Variants in KIF26B observed in about 807,000 individuals in gnomAD.
The protein encoded by KIF26B is kinesin-like protein KIF26B.
Under a neutral mutation model 151.2 loss-of-function variants are expected in KIF26B, and 63 were observed. The ratio of observed to expected loss-of-function variants is 0.42; its 90% CI spans 0.34 to 0.51. KIF26B has a LOEUF of 0.51. Ranked by LOEUF, KIF26B falls within the 20% of genes least tolerant of loss-of-function variation. KIF26B has a pLI of 0.07. For synonymous variants in KIF26B, 1,357 were observed against 1,262.1 expected (o/e 1.08, Z -1.59); for missense variants, 2,813 against 2,913.6 (o/e 0.97, Z 0.79).
intron 3 of KIF26B, among the ~76,000 whole-genome samples, chr1:245,406,899 T>A (rs1023032572): frequency 2.6e-5 from 4 of 152,296 alleles, no homozygotes; most frequent in Middle Eastern, 3.4e-3. Flanking sequence ...GTGATTCTTC[T>A]GCCTCAGCCT....
rs1040080802 is a variant in KIF26B at position 245,367,041 on chromosome 1, T to G, written c.673T>G (p.Ser225Ala). The G allele has an allele frequency of 3.7e-6, 6 of 1,610,418 alleles. No individual in the cohort carries two copies. The Admixed American group carries it at 8.4e-5, about 23-fold the overall frequency. ...DASPCSPPPLSNIPTLVGSRH... is the reference protein window; with the variant it reads ...DASPCSPPPLANIPTLVGSRH... ...CTCGCCCTGCTCCCCGCCACCGCTC[T>G]CCAACATCCCCACCCTGGTGGGGTC... The change falls in exon 3 of 15, where the codon TCC (serine) becomes GCC (alanine). Residue 225 changes from serine (S) to alanine (A), a missense_variant. Physicochemically the swap from Ser to Ala is moderately conservative, Grantham distance 99. Coordinates refer to ENST00000407071, the MANE Select transcript of KIF26B (RefSeq NM_018012.4). This position sits in a 1 kb window ranked among gnomAD's most constrained non-coding sequence, Gnocchi z 4.2.
At chr1:245,542,878 G>C (rs1416962540) in intron 5 of KIF26B, among the ~76,000 whole-genome samples, 1 of 152,188 alleles carries the variant, frequency 6.6e-6, no homozygotes, top group East Asian at 1.9e-4. Flanking sequence ...GTGAAATCAA[G>C]CTGTCAGTGC....
chr1:245,423,480 T>G (rs910255186), intron 4 of KIF26B, among the ~76,000 whole-genome samples: 4 of 115,412 alleles, frequency 3.5e-5, no homozygotes, highest in Non-Finnish European at 7.3e-5. Flanking sequence ...ATTATAGGGT[T>G]TTTTTTTTTT....
intron 4 of KIF26B, among the ~76,000 whole-genome samples, chr1:245,496,987 C>T (rs149963907): frequency 0.025 from 3,765 of 151,986 alleles, 159 homozygotes; most frequent in African/African-American, 0.085. Context: ...AACCCCATCT[C>T]TACTAAAAAT....
chr1:245,290,381 A>T (rs1392323239), intron 2 of KIF26B, among the ~76,000 whole-genome samples: 1 of 152,238 alleles, frequency 6.6e-6, no homozygotes, highest in Non-Finnish European at 1.5e-5. Flanking sequence ...AGAGAAGTAA[A>T]GAAACAAAAG....
intron 4 of KIF26B, among the ~76,000 whole-genome samples, chr1:245,465,837 T>C (rs1273384978): frequency 6.6e-6 from 1 of 151,894 alleles, no homozygotes; most frequent in African/African-American, 2.4e-5. Flanking sequence ...CTGAGAGGCA[T>C]CATGGGACAG....
chr1:245,314,367 G>A (rs1343132232), intron 2 of KIF26B, among the ~76,000 whole-genome samples: 4 of 152,138 alleles, frequency 2.6e-5, no homozygotes, highest in East Asian at 1.9e-4. Flanking sequence ...CAGGAGAATC[G>A]CTTGAACCCC....
intron 4 of KIF26B, among the ~76,000 whole-genome samples, chr1:245,494,847 C>T (rs1163662757): frequency 6.6e-6 from 1 of 151,808 alleles, no homozygotes; most frequent in Non-Finnish European, 1.5e-5. Context: ...CAAGACCAGC[C>T]TAGGCAACAC....
At chr1:245,652,478 T>C (rs1287884773) in intron 10 of KIF26B, among the ~76,000 whole-genome samples, 5 of 152,190 alleles carry the variant, frequency 3.3e-5, no homozygotes, top group Non-Finnish European at 7.3e-5. Context: ...CTTTTATTTT[T>C]CCCCCTTAGC....
chr1:245,578,329 G>A (rs2043145183), intron 5 of KIF26B, among the ~76,000 whole-genome samples: 2 of 152,240 alleles, frequency 1.3e-5, no homozygotes, highest in African/African-American at 4.8e-5. Flanking sequence ...CTCGTTCTCA[G>A]CCAGGTAGAC....
chr1:245,621,423 C>T (rs897863535), intron 9 of KIF26B, among the ~76,000 whole-genome samples: 1 of 152,156 alleles, frequency 6.6e-6, no homozygotes, highest in Non-Finnish European at 1.5e-5. Flanking sequence ...TTCCTGCTAC[C>T]TTCCAGGTGC....
intron 4 of KIF26B, among the ~76,000 whole-genome samples, chr1:245,424,545 C>T (rs1479593169): frequency 6.6e-6 from 1 of 152,146 alleles, no homozygotes; most frequent in Non-Finnish European, 1.5e-5. Flanking sequence ...GGGTGGAGGT[C>T]TGGGTGAACC....
At chr1:245,612,103 TGTGAGAGAGAGA>T (rs2043533621) in intron 9 of KIF26B, 127 bp downstream of exon 9, 7 of 397,636 alleles carry the variant, frequency 1.8e-5, no homozygotes, top group African/African-American at 1.1e-4. Context: ...TGTGTGTGTG[TGTGAGAGAGAGA>T]GAGAGAGAGA....
rs141616354 is a variant in KIF26B at position 245,569,543 on chromosome 1, G to A, written c.1350+28593G>A. 4.6e-3 allele frequency among the ~76,000 whole-genome samples: 701 copies of A among 152,168 alleles called. 4 individuals are homozygous for A. Among genetic ancestry groups the A allele is most frequent in the Middle Eastern group, 0.014 (4 of 294 alleles). ...AATTGCTTGAACCTGGGAGGCAGAG[G>A]TTGCAGTGAGCCAAGATCCTGTCAC... On this transcript the variant is annotated intron_variant, in intron 5 of 14. Coordinates refer to ENST00000407071, the MANE Select transcript of KIF26B (RefSeq NM_018012.4).
intron 4 of KIF26B, among the ~76,000 whole-genome samples, chr1:245,448,525 T>G: frequency 6.6e-6 from 1 of 152,212 alleles, no homozygotes; most frequent in East Asian, 1.9e-4. Context: ...TCTGTTGTTT[T>G]TAACTTACCC....
chr1:245,578,893 A>G (rs1463663732), intron 5 of KIF26B, among the ~76,000 whole-genome samples: 1 of 152,258 alleles, frequency 6.6e-6, no homozygotes, highest in Non-Finnish European at 1.5e-5. Context: ...AAATAACAAA[A>G]TAGAAACTGA....
At chr1:245,555,349 G>A (rs1032061283) in intron 5 of KIF26B, among the ~76,000 whole-genome samples, 15 of 152,154 alleles carry the variant, frequency 9.9e-5, no homozygotes, top group Non-Finnish European at 1.3e-4. Context: ...AAGATCTCTC[G>A]AGTGCTCCGG....
intron 5 of KIF26B, among the ~76,000 whole-genome samples, chr1:245,576,336 A>T (rs1295138175): frequency 2.0e-5 from 3 of 152,218 alleles, no homozygotes; most frequent in Admixed American, 6.5e-5. Flanking sequence ...CCCTTTCATA[A>T]CACGTCTCCT....
At position 245,532,248 on chromosome 1, in the gene KIF26B, C is replaced by CTTTT. The variant is rs74163062; in HGVS notation, c.1167-8507_1167-8504dup. ...CTTTTCTTTTCTTTTCTTTTCTTTT[C>CTTTT]TTTTTTTTTTTTTTTGAGACAGAGT... On this transcript the variant is annotated intron_variant, in intron 4 of 14. Coordinates refer to ENST00000407071, the MANE Select transcript of KIF26B (RefSeq NM_018012.4). 9.9e-5 allele frequency among the ~76,000 whole-genome samples: 12 copies of CTTTT among 121,478 alleles called. 1 individual carries two copies. The highest frequency in any genetic ancestry group is 1.3e-4 in the African/African-American group (4 of 30,408). The allele number at this position is 121,478 out of a possible 152,430, so 79.7% of individuals were successfully genotyped here.
Sources: allele counts gnomAD v4.1 joint callset (sites outside exome capture counted in the v4.1 genomes callset), GRCh38; gene constraint gnomAD v4.1.1; non-coding constraint Gnocchi (gnomAD v3.1); transcripts MANE v1.5; gene names NCBI Gene and HGNC (gene_info 2026-07-23, HGNC 2026-07-21).